The following TMEM117 variants were observed in gnomAD, a reference collection of about 807,000 sequenced individuals.
TMEM117 encodes the protein transmembrane protein 117.
In TMEM117, 27 loss-of-function variants were observed where a neutral mutation model predicts 52.4. The observed-to-expected ratio is 0.51, with a 90% CI of 0.38 to 0.71. The LOEUF is 0.71. Ranked by LOEUF, TMEM117 falls within the 30% of genes least tolerant of loss-of-function variation. The pLI, the probability that TMEM117 is intolerant of heterozygous loss-of-function variation, is 0.00. For synonymous variants in TMEM117, 215 were observed against 206.3 expected, an observed-to-expected ratio of 1.04 and a Z score of -0.36; for missense variants, 556 against 630.5, an observed-to-expected ratio of 0.88 and a Z score of 1.26.
At chr12:44,328,230 T>C (rs1159573352) in intron 6 of TMEM117, among the ~76,000 whole-genome samples, 1 of 152,194 alleles carries the variant, frequency 6.6e-6, no homozygotes, top group Non-Finnish European at 1.5e-5. Flanking sequence ...CATAACCCTC[T>C]AGAATATGAA....
chr12:44,364,691 C>G (rs1951766554), intron 6 of TMEM117, among the ~76,000 whole-genome samples: 1 of 152,094 alleles, frequency 6.6e-6, no homozygotes, highest in Non-Finnish European at 1.5e-5. Context: ...GATATACAAA[C>G]AAGGAAGACT....
intron 2 of TMEM117, among the ~76,000 whole-genome samples, chr12:43,859,791 A>G (rs1943458675): frequency 1.3e-5 from 2 of 152,060 alleles, no homozygotes; most frequent in Non-Finnish European, 2.9e-5. Context: ...CATTTTAAGG[A>G]CTCCTATTCC....
At position 44,374,670 on chromosome 12, in the gene TMEM117, G is replaced by T. The variant is rs964609171; in HGVS notation, c.769-1925G>T. Among the ~76,000 whole-genome samples the T allele has an allele frequency of 3.3e-5, 5 of 150,896 alleles. No homozygotes were observed. The South Asian group carries it at 1.0e-3, about 32-fold the overall frequency. ...TGTGTGTGTGTATGTGTGTGTATGA[G>T]ATTTTTATCATAGTCTACAAGAAAT... On this transcript the variant is annotated intron_variant, in intron 6 of 7. Coordinates refer to ENST00000266534, the MANE Select transcript of TMEM117 (RefSeq NM_032256.3).
intron 4 of TMEM117, among the ~76,000 whole-genome samples, chr12:44,199,526 A>C (rs1949465254): frequency 6.6e-6 from 1 of 152,190 alleles, no homozygotes; most frequent in South Asian, 2.1e-4. Context: ...AATTGAATAA[A>C]ATATCAACCA....
At chr12:44,291,343 A>G (rs76253582) in intron 5 of TMEM117, among the ~76,000 whole-genome samples, 4,159 of 140,700 alleles carry the variant, frequency 0.03, 97 homozygotes, top group African/African-American at 0.059. Context: ...TTGTCCTGCA[A>G]CTTTACTCAA....
intron 2 of TMEM117, among the ~76,000 whole-genome samples, chr12:43,862,611 T>G (rs1033440973): frequency 6.6e-6 from 1 of 152,224 alleles, no homozygotes; most frequent in Admixed American, 6.5e-5. Flanking sequence ...AAAGAAGTAC[T>G]TCTAGCTAGT....
chr12:44,209,360 C>T (rs758573414), intron 4 of TMEM117, among the ~76,000 whole-genome samples: 1 of 152,046 alleles, frequency 6.6e-6, no homozygotes, highest in African/African-American at 2.4e-5. Flanking sequence ...ATGGAAAATA[C>T]AATCCATGGG....
At chr12:43,828,586 A>C in the TMEM117 span, among the ~76,000 whole-genome samples, 1 of 152,224 alleles carries the variant, frequency 6.6e-6, no homozygotes, top group Non-Finnish European at 1.5e-5. Context: ...CCTTGTCATG[A>C]AACAAAGAAA....
chr12:44,236,649 G>A (rs754232811), intron 5 of TMEM117, among the ~76,000 whole-genome samples: 3 of 152,026 alleles, frequency 2.0e-5, no homozygotes, highest in Non-Finnish European at 4.4e-5. Flanking sequence ...TTGTTTTCTT[G>A]CATACCCAGT....
At chr12:43,973,983 CAAG>C (rs1302545144) in intron 3 of TMEM117, among the ~76,000 whole-genome samples, 1 of 152,148 alleles carries the variant, frequency 6.6e-6, no homozygotes, top group Non-Finnish European at 1.5e-5. Flanking sequence ...TTATGTTAAA[CAAG>C]AAGTCTTTTG....
the TMEM117 span, among the ~76,000 whole-genome samples, chr12:43,822,860 C>T: frequency 5.9e-5 from 9 of 151,516 alleles, no homozygotes; most frequent in African/African-American, 2.2e-4. Flanking sequence ...AGAGATTATG[C>T]CACTGCACTA....
Position 44,214,138 on chromosome 12 carries a change from ATTTTTTTT to A in TMEM117, c.608+2770_608+2777del, listed in dbSNP as rs773352634. On this transcript the variant is annotated intron_variant, in intron 5 of 7. Transcript: ENST00000266534. ...CAATGTCTTACAAATTTTTTTTTTAATTTTTTTTTTTTTTTTTTTTTTTTTTAAGACAG... is the reference window on the plus strand; with the variant it reads ...CAATGTCTTACAAATTTTTTTTTTAATTTTTTTTTTTTTTTTTTAAGACAG... 2.6e-4 allele frequency among the ~76,000 whole-genome samples: 26 copies of A among 99,286 alleles called. 1 individual carries two copies. The highest frequency in any genetic ancestry group is 1.2e-3 in the South Asian group (3 of 2,500). 65.1% of individuals were successfully genotyped at this position (99,286 alleles called of 152,430 possible).
At chr12:43,929,023 T>A (rs4768056) in intron 2 of TMEM117, among the ~76,000 whole-genome samples, 100,104 of 148,888 alleles carry the variant, frequency 0.67, 37,609 homozygotes, top group Non-Finnish European at 0.82. Context: ...GTTCCAAGTC[T>A]TTGCTATTGT....
chr12:44,190,866 G>A (rs12296329), intron 4 of TMEM117, among the ~76,000 whole-genome samples: 6 of 148,302 alleles, frequency 4.0e-5, no homozygotes, highest in African/African-American at 1.5e-4. Context: ...TCTATATATA[G>A]AGAGAGATAC....
Position 44,278,940 on chromosome 12 carries a change from G to C in TMEM117, c.609-20640G>C, listed in dbSNP as rs17094374. 2.4e-3 allele frequency among the ~76,000 whole-genome samples: 364 copies of C among 152,218 alleles called. 12 individuals are homozygous for C. In the East Asian group the frequency reaches 0.035, roughly 15 times the overall value. On this transcript the variant is annotated intron_variant, in intron 5 of 7. Coordinates refer to ENST00000266534, the MANE Select transcript of TMEM117 (RefSeq NM_032256.3). ...TTCTTCAAGGCAATGGATAATTTTA[G>C]TGCCTTCTTGAGACTTTCCTTTATT...
intron 3 of TMEM117, among the ~76,000 whole-genome samples, chr12:43,977,617 T>C (rs1945693812): frequency 6.6e-6 from 1 of 152,190 alleles, no homozygotes; most frequent in Non-Finnish European, 1.5e-5. Context: ...GTGCTAGTAG[T>C]GTTGCAGGGT....
At chr12:44,287,335 C>T (rs758696964) in intron 5 of TMEM117, among the ~76,000 whole-genome samples, 7 of 152,160 alleles carry the variant, frequency 4.6e-5, no homozygotes, top group Admixed American at 3.3e-4. Flanking sequence ...GTCTTGCTGG[C>T]AGTGGCTGCA....
At chr12:44,142,467 A>G (rs1470081683) in intron 3 of TMEM117, among the ~76,000 whole-genome samples, 1 of 147,982 alleles carries the variant, frequency 6.8e-6, no homozygotes, top group East Asian at 1.9e-4. Flanking sequence ...AAATAACTCC[A>G]GAAAAGAAAA....
intron 1 of TMEM117, among the ~76,000 whole-genome samples, chr12:43,843,788 A>G (rs1386042389): frequency 6.6e-6 from 1 of 152,158 alleles, no homozygotes; most frequent in Non-Finnish European, 1.5e-5. Context: ...CTACTACTCT[A>G]CTGTAGACTT....
Sources: gnomAD v4.1 joint callset for allele counts (sites outside exome capture counted in the v4.1 genomes callset) on GRCh38, gnomAD v4.1.1 for gene constraint, MANE v1.5 for transcripts, NCBI Gene and HGNC (gene_info 2026-07-23, HGNC 2026-07-21) for gene names.